The following TBC1D19 variants were observed in gnomAD, a reference collection of about 807,000 sequenced individuals.
The protein encoded by TBC1D19 is TBC1 domain family, member 19.
Under a neutral mutation model 89.0 loss-of-function variants are expected in TBC1D19, and 60 were observed. The observed-to-expected ratio is 0.67, with a 90% CI of 0.55 to 0.84. TBC1D19 has a LOEUF of 0.84. TBC1D19 is among the 40% of genes least tolerant of loss of function. The pLI, the probability that TBC1D19 is intolerant of heterozygous loss-of-function variation, is 0.00. For missense variants in TBC1D19, 500 were observed against 610.8 expected (o/e 0.82, Z 1.91); for synonymous variants, 189 against 199.7 (o/e 0.95, Z 0.45).
chr4:26,813,289 A>G, the TBC1D19 span, among the ~76,000 whole-genome samples: 10 of 152,144 alleles, frequency 6.6e-5, no homozygotes, highest in Non-Finnish European at 2.9e-5. Context: ...AAAGAGGAAT[A>G]CTTGAATATC....
At chr4:26,643,603 A>C (rs144245397) in intron 7 of TBC1D19, among the ~76,000 whole-genome samples, 1,932 of 152,320 alleles carry the variant, frequency 0.013, 35 homozygotes, top group African/African-American at 0.043. Context: ...AGATAGAAAC[A>C]CAAAAAACCC....
At chr4:26,761,013 C>T (rs1388796165), downstream of TBC1D19, among the ~76,000 whole-genome samples, 5 of 152,088 alleles carry the variant, frequency 3.3e-5, no homozygotes, top group African/African-American at 1.2e-4. Context: ...ATAAAATTAA[C>T]TGATTATGTG....
At chr4:26,716,928 G>A (rs551109715) in intron 13 of TBC1D19, among the ~76,000 whole-genome samples, 3 of 152,132 alleles carry the variant, frequency 2.0e-5, no homozygotes, top group South Asian at 2.1e-4. Context: ...TCATAGGCAT[G>A]AGCTACCATG....
chr4:26,801,358 T>C, the TBC1D19 span, among the ~76,000 whole-genome samples: 8 of 152,294 alleles, frequency 5.3e-5, no homozygotes, highest in Admixed American at 5.2e-4. Flanking sequence ...TTCTGTTCCA[T>C]TGGTCTATAT....
intron 3 of TBC1D19, among the ~76,000 whole-genome samples, chr4:26,619,558 G>A (rs912810679): frequency 1.3e-5 from 2 of 152,036 alleles, no homozygotes; most frequent in Non-Finnish European, 2.9e-5. Context: ...CATTAAAAGT[G>A]GAAGCAAATG....
the TBC1D19 span, among the ~76,000 whole-genome samples, chr4:26,815,555 C>T: frequency 6.6e-6 from 1 of 152,194 alleles, no homozygotes; most frequent in South Asian, 2.1e-4. Flanking sequence ...ATAACCCTTA[C>T]CAGGCTGGTG....
intron 13 of TBC1D19, among the ~76,000 whole-genome samples, chr4:26,702,547 T>G (rs1034537515): frequency 6.6e-6 from 1 of 152,242 alleles, no homozygotes; most frequent in Admixed American, 6.5e-5. Context: ...CAGTAAGTAC[T>G]ATAGGAGTAT....
intron 16 of TBC1D19, among the ~76,000 whole-genome samples, chr4:26,736,577 G>C (rs115749877): frequency 0.037 from 5,690 of 152,242 alleles, 351 homozygotes; most frequent in African/African-American, 0.13. Flanking sequence ...AAATGGTCCT[G>C]TGGTTTACCA....
chr4:26,800,069 A>G, the TBC1D19 span, among the ~76,000 whole-genome samples: 10 of 152,026 alleles, frequency 6.6e-5, no homozygotes, highest in Non-Finnish European at 8.8e-5. Flanking sequence ...GGTTTGTTAC[A>G]TATGTAAACA....
chr4:26,685,595 G>A (rs887750329), intron 12 of TBC1D19, among the ~76,000 whole-genome samples: 18 of 152,296 alleles, frequency 1.2e-4, no homozygotes, highest in African/African-American at 4.1e-4. Context: ...CCAAGATTTA[G>A]ACCTAGCCAA....
intron 1 of TBC1D19, among the ~76,000 whole-genome samples, chr4:26,578,276 C>A (rs774447341): frequency 4.6e-5 from 7 of 152,276 alleles, no homozygotes; most frequent in Non-Finnish European, 1.0e-4. Context: ...CATTTCCAGG[C>A]CTATAACTTG....
At chr4:26,597,497 TAAA>T (rs1392984393) in intron 1 of TBC1D19, among the ~76,000 whole-genome samples, 1 of 151,566 alleles carries the variant, frequency 6.6e-6, no homozygotes, top group East Asian at 1.9e-4. Context: ...ATAGTTTTCT[TAAA>T]AATCCAGACT....
intron 7 of TBC1D19, among the ~76,000 whole-genome samples, chr4:26,655,472 G>GGAGTCTA (rs1353364392): frequency 6.6e-6 from 1 of 152,212 alleles, no homozygotes; most frequent in African/African-American, 2.4e-5. Flanking sequence ...CCGCAGAGGT[G>GGAGTCTA]GAGTCTAGAG....
chr4:26,793,962 T>C, the TBC1D19 span, among the ~76,000 whole-genome samples: 1 of 152,294 alleles, frequency 6.6e-6, no homozygotes, highest in South Asian at 2.1e-4. Context: ...CATGTGACCA[T>C]TGGCTGATCC....
At chr4:26,714,598 A>C (rs777376826) in intron 13 of TBC1D19, among the ~76,000 whole-genome samples, 1 of 152,090 alleles carries the variant, frequency 6.6e-6, no homozygotes. Context: ...CCTAAAGCTT[A>C]TAAAATTTGG....
At chr4:26,664,975 C>A (rs909461627) in intron 8 of TBC1D19, among the ~76,000 whole-genome samples, 25 of 152,142 alleles carry the variant, frequency 1.6e-4, no homozygotes, top group African/African-American at 5.8e-4. Flanking sequence ...GGCTCTCAGT[C>A]CTCACTCTCA....
chr4:26,650,422 G>C (rs1744282632), intron 7 of TBC1D19, among the ~76,000 whole-genome samples: 1 of 152,092 alleles, frequency 6.6e-6, no homozygotes, highest in South Asian at 2.1e-4. Flanking sequence ...GTGTGAGATG[G>C]TATCTCATTG....
At chr4:26,598,604 C>A (rs547615766) in intron 1 of TBC1D19, among the ~76,000 whole-genome samples, 122 of 152,272 alleles carry the variant, frequency 8.0e-4, no homozygotes, top group African/African-American at 2.8e-3. Flanking sequence ...CCATGTTAGC[C>A]AGGATGGTCT....
intron 15 of TBC1D19, among the ~76,000 whole-genome samples, chr4:26,725,549 C>CT (rs765384708): frequency 6.6e-6 from 1 of 152,130 alleles, no homozygotes; most frequent in East Asian, 1.9e-4. Flanking sequence ...GTAGCTGGAA[C>CT]TACAGGTGCA....
Sources: allele counts gnomAD v4.1 joint callset (sites outside exome capture counted in the v4.1 genomes callset), GRCh38; gene constraint gnomAD v4.1.1; transcripts MANE v1.5; gene names NCBI Gene and HGNC (gene_info 2026-07-23, HGNC 2026-07-21).